Variants in KDM2B observed in about 807,000 individuals in gnomAD.
The protein encoded by KDM2B is lysine-specific demethylase 2B.
Under a neutral mutation model 150.0 loss-of-function variants are expected in KDM2B, and 26 were observed. The observed-to-expected ratio is 0.17, with a 90% CI of 0.13 to 0.24. The LOEUF (loss-of-function observed/expected upper bound fraction) is 0.24. Ranked by LOEUF, KDM2B falls within the 10% of genes least tolerant of loss-of-function variation. KDM2B has a pLI of 1.00. For synonymous variants in KDM2B, 734 were observed against 729.5 expected (o/e 1.01, Z -0.10); for missense variants, 1,265 against 1,816.9 (o/e 0.70, Z 5.52).
At chr12:121,557,399 G>A (rs758940690) in intron 4 of KDM2B, among the ~76,000 whole-genome samples, 1 of 151,866 alleles carries the variant, frequency 6.6e-6, no homozygotes, top group Non-Finnish European at 1.5e-5. Context: ...CACCACTTCC[G>A]GCTAATTTTT....
At chr12:121,553,830 G>A (rs1434136957) in intron 4 of KDM2B, among the ~76,000 whole-genome samples, 1 of 152,044 alleles carries the variant, frequency 6.6e-6, no homozygotes. Flanking sequence ...GGGTTCTTCT[G>A]GGGAATGATG....
At chr12:121,479,096 T>A (rs370087874) in intron 12 of KDM2B, among the ~76,000 whole-genome samples, 21 of 152,134 alleles carry the variant, frequency 1.4e-4, no homozygotes, top group African/African-American at 4.3e-4. Flanking sequence ...TGAACTCCTA[T>A]ACCACAAGGA....
rs1198715842 is a variant in KDM2B at position 121,580,260 on chromosome 12, G to T, written c.126+526C>A. ...ACCATTTTCAGCAGTTGTGGGGGGG[G>T]GGAGGCGTCGACGTCATAATCCCCG... On this transcript the variant is annotated intron_variant, in intron 1 of 22. Coordinates refer to ENST00000377071, the MANE Select transcript of KDM2B (RefSeq NM_032590.5). 1.1e-5 allele frequency: 14 copies of T among 1,244,478 alleles called. No homozygotes were observed. The African/African-American group carries it at 2.2e-4, about 20-fold the overall frequency. 77.1% of individuals were successfully genotyped at this position (1,244,478 alleles called of 1,614,324 possible).
At chr12:121,501,095 C>T (rs1044877812) in intron 11 of KDM2B, among the ~76,000 whole-genome samples, 45 of 151,514 alleles carry the variant, frequency 3.0e-4, no homozygotes, top group African/African-American at 1.1e-3. Flanking sequence ...AGCAAGATTC[C>T]ATCTCAAAAA....
At position 121,467,253 on chromosome 12, in the gene KDM2B, GAGCGGCGCCGC is replaced by G; in HGVS notation, c.1735-13920_1735-13910del. 1.0e-6 allele frequency: 1 copy of G among 992,542 alleles called. No homozygotes were observed. The highest frequency in any genetic ancestry group is 4.1e-5 in the South Asian group (1 of 24,370). 61.5% of individuals were successfully genotyped at this position (992,542 alleles called of 1,614,324 possible). ...AGGCTCGCGCGCGCTGACATGGCTG[GAGCGGCGCCGC>G]CGCCGCCGCCCGCCCGGAGCAGGCT... On this transcript the variant is annotated intron_variant, in intron 12 of 22. Transcript: ENST00000377071. The surrounding 1 kb of genome is among the most constrained non-coding windows in gnomAD (Gnocchi z 5.1).
intron 11 of KDM2B, among the ~76,000 whole-genome samples, chr12:121,506,013 C>CT (rs1332577181): frequency 6.6e-6 from 1 of 151,794 alleles, no homozygotes; most frequent in Non-Finnish European, 1.5e-5. Flanking sequence ...TTTTTGTTTG[C>CT]TTTTTTATTT....
At chr12:121,547,127 C>G (rs563990470) in intron 6 of KDM2B, among the ~76,000 whole-genome samples, 22 of 152,182 alleles carry the variant, frequency 1.4e-4, no homozygotes, top group Non-Finnish European at 2.5e-4. Flanking sequence ...CAGGCCCCTA[C>G]GCGAGGCACA....
rs571120644 is a variant in KDM2B, at chr12:121,501,518, C to G, written c.1648-6853G>C. Among the ~76,000 whole-genome samples the G allele has an allele frequency of 1.2e-3, 181 of 152,346 alleles. No individual in the cohort carries two copies. In the South Asian group the frequency reaches 0.018, roughly 15 times the overall value. On this transcript the variant is annotated intron_variant, in intron 11 of 22. Transcript: ENST00000377071. ...AGAGGAGGCCCGGAAGGATTCTCTT[C>G]TAGAGACTTTGGAGCGAGCAGAGCC...
chr12:121,538,102 G>A (rs1888308064), intron 6 of KDM2B, among the ~76,000 whole-genome samples: 1 of 151,480 alleles, frequency 6.6e-6, no homozygotes, highest in East Asian at 1.9e-4. Context: ...GCGGGGAGCC[G>A]GGCGCTGCCT....
At chr12:121,460,838 C>T (rs1355553718) in intron 12 of KDM2B, among the ~76,000 whole-genome samples, 1 of 152,134 alleles carries the variant, frequency 6.6e-6, no homozygotes, top group Non-Finnish European at 1.5e-5. Flanking sequence ...CTCAAGCAAT[C>T]CTACCACCTC....
chr12:121,410,794 A>T, the KDM2B span, among the ~76,000 whole-genome samples: 1 of 152,152 alleles, frequency 6.6e-6, no homozygotes, highest in Non-Finnish European at 1.5e-5. Context: ...TGAGGCTGCA[A>T]CCTAAATTTT....
At chr12:121,496,132 A>T (rs1555300935) in intron 11 of KDM2B, among the ~76,000 whole-genome samples, 1 of 152,002 alleles carries the variant, frequency 6.6e-6, no homozygotes, top group Non-Finnish European at 1.5e-5. Flanking sequence ...TGCTACCCCA[A>T]ACTATGAAGA....
chr12:121,574,408 G>A, intron 4 of KDM2B, 139 bp downstream of exon 4: 1 of 733,108 alleles, frequency 1.4e-6, no homozygotes, highest in Non-Finnish European at 2.3e-6. Flanking sequence ...AACGGTTGCA[G>A]CTCACACCTG....
Position 121,453,958 on chromosome 12 carries a change from C to T in KDM2B, c.1735-614G>A, listed in dbSNP as rs945393935. 2.6e-5 allele frequency among the ~76,000 whole-genome samples: 4 copies of T among 152,164 alleles called. No homozygotes were observed. The highest frequency in any genetic ancestry group is 4.4e-5 in the Non-Finnish European group (3 of 68,012). The stretch of plus-strand genomic sequence containing the variant: ...CCCACCTTTCCCACCTCCGTCTGCT[C>T]CCCAAGAAAGACCGCAAGGGGCCAC... On this transcript the variant is annotated intron_variant, in intron 12 of 22. Transcript: ENST00000377071. The surrounding 1 kb of genome is among the most constrained non-coding windows in gnomAD (Gnocchi z 6.4).
At chr12:121,434,935 C>T (rs916171932) in intron 22 of KDM2B, among the ~76,000 whole-genome samples, 9 of 151,240 alleles carry the variant, frequency 6.0e-5, no homozygotes, top group South Asian at 2.1e-4. Context: ...CAAACCTGGG[C>T]GACAGAGCAA....
chr12:121,539,923 A>G (rs2141756363), intron 6 of KDM2B, among the ~76,000 whole-genome samples: 1 of 152,024 alleles, frequency 6.6e-6, no homozygotes, highest in East Asian at 1.9e-4. Flanking sequence ...TATTTTTAGT[A>G]CAGATGGGGT....
intron 11 of KDM2B, among the ~76,000 whole-genome samples, chr12:121,504,183 G>A (rs750462183): frequency 2.0e-5 from 3 of 151,942 alleles, no homozygotes; most frequent in Non-Finnish European, 4.4e-5. Context: ...GCCCTCTAAC[G>A]CTGTACAGTC....
intron 8 of KDM2B, among the ~76,000 whole-genome samples, chr12:121,531,450 T>G (rs1555307792): frequency 6.6e-6 from 1 of 152,222 alleles, no homozygotes; most frequent in African/African-American, 2.4e-5. Context: ...CAGAAACATC[T>G]TGGTGGCCTC....
upstream of KDM2B, among the ~76,000 whole-genome samples, chr12:121,581,922 C>T (rs536334142): frequency 1.2e-3 from 182 of 152,260 alleles, no homozygotes; most frequent in African/African-American, 3.6e-3. Context: ...TGTAGTCTTT[C>T]CCACCCATCC....
Sources: gnomAD v4.1 joint callset for allele counts (sites outside exome capture counted in the v4.1 genomes callset) on GRCh38, gnomAD v4.1.1 for gene constraint, Gnocchi (gnomAD v3.1) non-coding constraint, MANE v1.5 for transcripts, NCBI Gene and HGNC (gene_info 2026-07-23, HGNC 2026-07-21) for gene names.